IL1RL1: variants seen among roughly 807,000 people sequenced by gnomAD.
The protein encoded by IL1RL1 is interleukin 1 receptor like 1, also known as interleukin-1 receptor-like 1.
In IL1RL1, 32 loss-of-function variants were observed where a neutral mutation model predicts 50.9. That is an observed-to-expected ratio of 0.63 (90% CI 0.47 to 0.84). The LOEUF is 0.84. Among genes scored for constraint, IL1RL1 ranks in the 40% least tolerant of loss-of-function variants. The pLI is 0.00. For synonymous variants in IL1RL1, 275 were observed against 236.0 expected (o/e 1.17, Z -1.51); for missense variants, 773 against 662.9 (o/e 1.17, Z -1.82).
At position 102,323,836 on chromosome 2, in the gene IL1RL1, T is replaced by C. The variant is rs111449112; in HGVS notation, c.-150+12213T>C. ...TGAAACCATCATCTCAATTGACATA[T>C]TCCACAAATCTCTCTCATACTCCTT... On this transcript the variant is annotated intron_variant, in intron 1 of 10. Coordinates refer to ENST00000233954, the MANE Select transcript of IL1RL1 (RefSeq NM_016232.5). 2.0e-5 allele frequency among the ~76,000 whole-genome samples: 3 copies of C among 152,176 alleles called. No individual in the cohort carries two copies. The South Asian group carries it at 6.2e-4, about 32-fold the overall frequency.
At position 102,344,879 on chromosome 2, in the gene IL1RL1, T is replaced by C. The variant is rs189773063; in HGVS notation, c.970+1464T>C. ...CAAATTGTTTATTGCTTCCCTACAG[T>C]TTTTTCTGAATCTAGCAGGATTTTA... On this transcript the variant is annotated intron_variant, in intron 8 of 10. Transcript: ENST00000233954. The C allele has an allele frequency of 2.1e-5, 20 of 972,720 alleles. No homozygotes were observed. The Admixed American group carries it at 8.0e-4, about 39-fold the overall frequency. The allele number at this position is 972,720 out of a possible 1,614,324, so 60.3% of individuals were successfully genotyped here.
At chr2:102,311,940 AATATTATATATAATAT>A (rs1426786002) in intron 1 of IL1RL1, among the ~76,000 whole-genome samples, 7 of 35,450 alleles carry the variant, frequency 2.0e-4, no homozygotes, top group Non-Finnish European at 1.4e-4. Context: ...TATTATATAT[AATATTATATATAATAT>A]ATATTATATA....
intron 8 of IL1RL1, chr2:102,345,313 A>G (rs1012884077): frequency 2.0e-6 from 2 of 985,298 alleles, no homozygotes; most frequent in Admixed American, 6.1e-5. Context: ...AGCACTTGCC[A>G]GTTTCCTCAC....
rs749108131 is a variant in IL1RL1, at chr2:102,340,208, A to G, written c.383A>G (p.Asn128Ser). 69 of 1,606,268 alleles carry G rather than the reference A, an allele frequency of 4.3e-5. 2 individuals are homozygous for G. The South Asian group carries it at 7.2e-4, about 17-fold the overall frequency. ...TCAACAGTATCTGGATCAGAAAAAA[A>G]TTCCAAAATTTATTGTCCTACCATT... ...MYSTVSGSEKNSKIYCPTIDL... is the reference protein window; with the variant it reads ...MYSTVSGSEKSSKIYCPTIDL... The change falls in exon 4 of 11, where the codon AAT becomes AGT. Residue 128 changes from asparagine (N) to serine (S), a missense_variant. Coordinates refer to ENST00000233954, the MANE Select transcript of IL1RL1 (RefSeq NM_016232.5).
At chr2:102,339,260 C>CA (rs1677451754) in intron 3 of IL1RL1, 2 of 506,270 alleles carry the variant, frequency 4.0e-6, no homozygotes, top group Non-Finnish European at 7.0e-6. Context: ...TTTACAGTTG[C>CA]AGGGATTGAT....
intron 8 of IL1RL1, among the ~76,000 whole-genome samples, chr2:102,346,291 T>G (rs1677780331): frequency 6.6e-6 from 1 of 152,334 alleles, no homozygotes; most frequent in Admixed American, 6.5e-5. Context: ...TTATTTTACA[T>G]TTAACTTTCT....
chr2:102,349,079 A>G lies in IL1RL1; in HGVS notation c.1118A>G (p.Asp373Gly), dbSNP rs1184325753. 1.2e-6 allele frequency: 2 copies of G among 1,612,110 alleles called. No individual in the cohort carries two copies. Among genetic ancestry groups the G allele is most frequent in the African/African-American group, 1.3e-5 (1 of 74,880 alleles). The change falls in exon 10 of 11, where the codon GAT (aspartate) becomes GGT (glycine). Residue 373 changes from aspartate (D) to glycine (G), a missense_variant and splice_region_variant. Asp to Gly is a moderately conservative substitution (Grantham distance 94). Transcript: ENST00000233954. ...TTGTACTTCTTGTTTTCATTTTCAG[A>G]TGGAAAGCTCTATGATGCTTATGTT... ...DIAKPYKTRN[D>G]GKLYDAYVVY...
At chr2:102,341,171 T>C in intron 5 of IL1RL1, 1 of 1,076,264 alleles carries the variant, frequency 9.3e-7, no homozygotes, top group Non-Finnish European at 1.2e-6. Context: ...AAACCAGCTT[T>C]TTTTTTTTTT....
chr2:102,318,215 T>C (rs1676735885), intron 1 of IL1RL1, among the ~76,000 whole-genome samples: 1 of 152,158 alleles, frequency 6.6e-6, no homozygotes, highest in Non-Finnish European at 1.5e-5. Flanking sequence ...ACTAGTGCAA[T>C]AATTCAGGCA....
At chr2:102,317,949 G>A (rs1676725433) in intron 1 of IL1RL1, among the ~76,000 whole-genome samples, 1 of 152,118 alleles carries the variant, frequency 6.6e-6, no homozygotes, top group Non-Finnish European at 1.5e-5. Flanking sequence ...ACCCTGAGGT[G>A]GGAGCAGGCT....
intron 1 of IL1RL1, among the ~76,000 whole-genome samples, chr2:102,315,721 C>T (rs759676459): frequency 4.6e-5 from 7 of 152,126 alleles, no homozygotes; most frequent in Non-Finnish European, 7.4e-5. Context: ...AGATCACGAA[C>T]GTACACACCA....
At position 102,338,097 on chromosome 2, in the gene IL1RL1, T is replaced by C. The variant is rs766402606; in HGVS notation, c.-149-19T>C. The C allele has an allele frequency of 6.8e-6, 3 of 441,706 alleles. No individual in the cohort carries two copies. The highest frequency in any genetic ancestry group is 3.9e-5 in the Admixed American group (1 of 25,622). The allele number at this position is 441,706 out of a possible 1,614,324, so 27.4% of individuals were successfully genotyped here. On this transcript the variant is annotated intron_variant, in intron 1 of 10. Transcript: ENST00000233954. ...CTGATAAAAATTCTGTTTATGGTTT[T>C]GTCTAACTTATTTTTCAGTTGAGAT...
Position 102,348,077 on chromosome 2 carries a change from A to G in IL1RL1, c.1103A>G (p.Tyr368Cys), listed in dbSNP as rs746527195. ...CTCTGGAGAGACATAGCTAAACCTTACAAGACTAGGAATGGTAAGTGGCAA... is the reference window on the plus strand; with the variant it reads ...CTCTGGAGAGACATAGCTAAACCTTGCAAGACTAGGAATGGTAAGTGGCAA... ...TLLWRDIAKP[Y>C]KTRNDGKLYD... The change falls in exon 9 of 11, where the codon TAC (tyrosine) becomes TGC (cysteine). Residue 368 changes from tyrosine (Y) to cysteine (C), a missense_variant. Transcript: ENST00000233954. 2 of 1,611,178 alleles carry G rather than the reference A, an allele frequency of 1.2e-6. No individual in the cohort carries two copies. The highest frequency in any genetic ancestry group is 2.2e-5 in the East Asian group (1 of 44,830).
chr2:102,338,158 T>C lies in IL1RL1; in HGVS notation c.-107T>C. 1.5e-6 allele frequency: 1 copy of C among 659,134 alleles called. No homozygotes were observed. The highest frequency in any genetic ancestry group is 2.7e-6 in the Non-Finnish European group (1 of 369,422). 40.8% of individuals were successfully genotyped at this position (659,134 alleles called of 1,614,324 possible). A position where few individuals can be genotyped will look rare whatever the true frequency, so the allele number is the denominator to read the frequency against. ...CTTCCCAACTCAGTCTTGAAGAGTA[T>C]CACCAACTGCCTCATGTGTGGTGAC... On this transcript the variant is annotated 5_prime_UTR_variant, in exon 2 of 11. Coordinates refer to ENST00000233954, the MANE Select transcript of IL1RL1 (RefSeq NM_016232.5).
chr2:102,334,914 T>C (rs1266322543), intron 1 of IL1RL1, among the ~76,000 whole-genome samples: 1 of 152,220 alleles, frequency 6.6e-6, no homozygotes, highest in Non-Finnish European at 1.5e-5. Flanking sequence ...GTTTTTTGTT[T>C]TTTTAATGGT....
chr2:102,348,480 G>T (rs768746626), intron 9 of IL1RL1, among the ~76,000 whole-genome samples: 2 of 152,132 alleles, frequency 1.3e-5, no homozygotes, highest in African/African-American at 4.8e-5. Flanking sequence ...AAGGTCCATC[G>T]GAATGCATGT....
At chr2:102,329,965 T>C (rs1351851456) in intron 1 of IL1RL1, among the ~76,000 whole-genome samples, 1 of 152,192 alleles carries the variant, frequency 6.6e-6, no homozygotes, top group East Asian at 1.9e-4. Flanking sequence ...GAATTACCAT[T>C]TGACTCAGCC....
chr2:102,312,463 G>A (rs888279537), intron 1 of IL1RL1, among the ~76,000 whole-genome samples: 3 of 151,902 alleles, frequency 2.0e-5, no homozygotes, highest in Non-Finnish European at 4.4e-5. Context: ...AAGAAAGGAT[G>A]GGAGCTTTAT....
At chr2:102,339,714 A>G (rs550833853) in intron 3 of IL1RL1, among the ~76,000 whole-genome samples, 6 of 152,340 alleles carry the variant, frequency 3.9e-5, no homozygotes, top group African/African-American at 1.2e-4. Context: ...GTAATAATAT[A>G]TTTCATCTCA....
Sources: allele counts gnomAD v4.1 joint callset (sites outside exome capture counted in the v4.1 genomes callset), GRCh38; gene constraint gnomAD v4.1.1; transcripts MANE v1.5; gene names NCBI Gene and HGNC (gene_info 2026-07-23, HGNC 2026-07-21).